The following TPM1 variants were observed in gnomAD, a reference collection of about 807,000 sequenced individuals.
TPM1 encodes the protein tropomyosin alpha-1 chain.
TPM1 carries 24 observed loss-of-function variants against 42.9 expected under a neutral mutation model. The ratio of observed to expected loss-of-function variants is 0.56; its 90% CI spans 0.41 to 0.79. The LOEUF is 0.79. Among genes scored for constraint, TPM1 ranks in the 30% least tolerant of loss-of-function variants. The probability of loss-of-function intolerance (pLI) is 0.00; values close to 1 mark genes in which losing one functional copy is unlikely to be tolerated. For synonymous variants in TPM1, 136 were observed against 130.1 expected (o/e 1.05, Z -0.31); for missense variants, 158 against 351.8 (o/e 0.45, Z 4.41).
At chr15:63,048,009 GCTTGGGTTATAAT>G (rs1381793553) in intron 2 of TPM1, 4 of 304,186 alleles carry the variant, frequency 1.3e-5, no homozygotes, top group Non-Finnish European at 2.6e-5. Flanking sequence ...TGGGGGTAGT[GCTTGGGTTATAAT>G]CTTGCGGTTG....
chr15:63,061,673 C>T (rs565300543), intron 5 of TPM1, 40 bp from the exon 6 acceptor site: 4 of 1,591,754 alleles, frequency 2.5e-6, no homozygotes, highest in African/African-American at 2.7e-5. Context: ...CTTCCTTTGG[C>T]TTGTCTCCCA....
At chr15:63,065,802 A>G (rs1595684270) in intron 9 of TPM1, 94 bp from the exon 10 acceptor site, 1 of 1,449,316 alleles carries the variant, frequency 6.9e-7, no homozygotes, top group South Asian at 1.3e-5. Flanking sequence ...CTGTGTTTCA[A>G]GTGCTCTCAT....
At chr15:63,056,689 A>G in intron 2 of TPM1, 1 of 386,622 alleles carries the variant, frequency 2.6e-6, no homozygotes, top group South Asian at 2.2e-5. Context: ...AAACAAAACA[A>G]AAAAATCTAC....
At chr15:63,061,562 C>A in intron 5 of TPM1, 151 bp from the exon 6 acceptor site, 1 of 843,502 alleles carries the variant, frequency 1.2e-6, no homozygotes, top group Non-Finnish European at 2.0e-6. Context: ...CCTGGAAAAC[C>A]TAAACATTTT....
intron 9 of TPM1, chr15:63,065,403 G>C (rs1486220516): frequency 1.0e-6 from 1 of 999,838 alleles, no homozygotes; most frequent in Admixed American, 5.6e-5. Context: ...CTTGAAGAGA[G>C]TGGCATGTGC....
intron 2 of TPM1, chr15:63,048,291 CT>C: frequency 1.3e-6 from 1 of 753,278 alleles, no homozygotes; most frequent in African/African-American, 1.8e-5. Flanking sequence ...CCGGGAGCGC[CT>C]TTCTCCCCGC....
At chr15:63,065,222 T>A in intron 9 of TPM1, 7 of 986,212 alleles carry the variant, frequency 7.1e-6, no homozygotes, top group Non-Finnish European at 8.4e-6. Context: ...TACAACTAAT[T>A]TACATATTAC....
chr15:63,043,036 G>GCCACCACCCTACCCCCA (rs1240660110), intron 1 of TPM1, 93 bp downstream of exon 1: 4 of 1,149,704 alleles, frequency 3.5e-6, no homozygotes, highest in African/African-American at 3.1e-5. Context: ...GACTCGGGGA[G>GCCACCACCCTACCCCCA]CCACCACCCT....
chr15:63,062,400 T>C, intron 7 of TPM1, 123 bp downstream of exon 7: 1 of 1,291,974 alleles, frequency 7.7e-7, no homozygotes, highest in Non-Finnish European at 1.1e-6. Flanking sequence ...AAAGGTCGCC[T>C]TGGAGTTTAT....
At chr15:63,066,826 C>T (rs2036303818), downstream of TPM1, among the ~76,000 whole-genome samples, 1 of 151,876 alleles carries the variant, frequency 6.6e-6, no homozygotes, top group Non-Finnish European at 1.5e-5. Context: ...AGGGATTGTA[C>T]ATAATCTTTG....
chr15:63,058,147 A>G (rs73438597), intron 3 of TPM1, among the ~76,000 whole-genome samples: 3,083 of 152,318 alleles, frequency 0.02, 120 homozygotes, highest in African/African-American at 0.071. Flanking sequence ...CTTCTTTAAG[A>G]TGACTAAGCA....
At chr15:63,050,526 T>C (rs1214610761) in intron 2 of TPM1, among the ~76,000 whole-genome samples, 1 of 152,256 alleles carries the variant, frequency 6.6e-6, no homozygotes, top group African/African-American at 2.4e-5. Context: ...TCTTACCTTC[T>C]CTTTTGCACG....
At chr15:63,049,369 C>G (rs1243688320) in intron 2 of TPM1, 2 of 152,302 alleles carry the variant, frequency 1.3e-5, no homozygotes, top group African/African-American at 4.8e-5. Context: ...TGCTTTGTTA[C>G]CAAGTCTTGG....
chr15:63,052,976 G>A (rs187840404), intron 2 of TPM1, among the ~76,000 whole-genome samples: 25 of 152,298 alleles, frequency 1.6e-4, no homozygotes, highest in African/African-American at 5.5e-4. Flanking sequence ...TGCAGAGCCT[G>A]TCATGGGTTC....
At chr15:63,044,472 G>C in intron 2 of TPM1, 2 of 587,708 alleles carry the variant, frequency 3.4e-6, no homozygotes, top group Non-Finnish European at 6.1e-6. Flanking sequence ...GAAAACCCTT[G>C]AGGTGTCATC....
At chr15:63,068,169 C>T (rs770801499), downstream of TPM1, among the ~76,000 whole-genome samples, 7 of 152,142 alleles carry the variant, frequency 4.6e-5, no homozygotes, top group Non-Finnish European at 7.3e-5. Flanking sequence ...GCATATGTCA[C>T]GTGCAAAACA....
At chr15:63,058,159 C>T (rs763846648) in intron 3 of TPM1, among the ~76,000 whole-genome samples, 15 of 152,206 alleles carry the variant, frequency 9.9e-5, no homozygotes, top group Non-Finnish European at 2.9e-5. Flanking sequence ...GACTAAGCAT[C>T]TTACAGTGTA....
At chr15:63,052,224 TAGA>T (rs964439973) in intron 2 of TPM1, among the ~76,000 whole-genome samples, 17 of 152,304 alleles carry the variant, frequency 1.1e-4, no homozygotes, top group African/African-American at 4.1e-4. Flanking sequence ...GGGCTGCTGT[TAGA>T]AGAAAGCTAA....
chr15:63,045,272 G>A (rs965247494), intron 2 of TPM1: 5 of 152,218 alleles, frequency 3.3e-5, no homozygotes, highest in African/African-American at 1.2e-4. Flanking sequence ...ATCCAGGTGT[G>A]CTTTGTAAAT....
Sources: allele counts gnomAD v4.1 joint callset (sites outside exome capture counted in the v4.1 genomes callset), GRCh38; gene constraint gnomAD v4.1.1; transcripts MANE v1.5; gene names NCBI Gene and HGNC (gene_info 2026-07-23, HGNC 2026-07-21).